NBEA: variants seen among roughly 807,000 people sequenced by gnomAD.
NBEA encodes the protein lysosomal-trafficking regulator 2.
In NBEA, 44 loss-of-function variants were observed where a neutral mutation model predicts 343.4. The ratio of observed to expected loss-of-function variants is 0.13; its 90% CI spans 0.10 to 0.16. The LOEUF is 0.16. Ranked by LOEUF, NBEA falls within the 10% of genes least tolerant of loss-of-function variation. The pLI, the probability that NBEA is intolerant of heterozygous loss-of-function variation, is 1.00. For missense variants in NBEA, 2,555 were observed against 3,631.3 expected (o/e 0.70, Z 7.62); for synonymous variants, 1,175 against 1,238.7 (o/e 0.95, Z 1.08).
intron 45 of NBEA, among the ~76,000 whole-genome samples, chr13:35,575,482 C>T (rs1426345410): frequency 1.3e-5 from 2 of 152,042 alleles, no homozygotes; most frequent in Non-Finnish European, 2.9e-5. Flanking sequence ...TTTGACTTTA[C>T]TATGAAAATT....
chr13:35,664,609 T>C (rs2085260708), intron 55 of NBEA, among the ~76,000 whole-genome samples: 1 of 152,224 alleles, frequency 6.6e-6, no homozygotes, highest in Non-Finnish European at 1.5e-5. Flanking sequence ...AGGTTCGCAC[T>C]AATAAAGTGA....
intron 1 of NBEA, among the ~76,000 whole-genome samples, chr13:34,993,083 T>C (rs2060819997): frequency 6.6e-6 from 1 of 152,148 alleles, no homozygotes; most frequent in East Asian, 1.9e-4. Flanking sequence ...CTCTCTCCAC[T>C]TTGCTATCTA....
chr13:35,390,960 A>C (rs932987864), intron 38 of NBEA, among the ~76,000 whole-genome samples: 1 of 152,138 alleles, frequency 6.6e-6, no homozygotes, highest in Admixed American at 6.6e-5. Context: ...AAATTCTTAA[A>C]TCAGTTGTCC....
intron 1 of NBEA, among the ~76,000 whole-genome samples, chr13:35,020,044 T>C (rs2061783719): frequency 6.6e-6 from 1 of 152,130 alleles, no homozygotes; most frequent in Non-Finnish European, 1.5e-5. Context: ...ATTTTTTCTT[T>C]GACTTATTTT....
chr13:35,321,703 C>T (rs1181912054), intron 36 of NBEA, among the ~76,000 whole-genome samples: 1 of 151,824 alleles, frequency 6.6e-6, no homozygotes, highest in Non-Finnish European at 1.5e-5. Context: ...CACAGCCGCC[C>T]CTTCCCCCAG....
At chr13:35,606,046 T>C (rs1219510996) in intron 47 of NBEA, among the ~76,000 whole-genome samples, 1 of 152,172 alleles carries the variant, frequency 6.6e-6, no homozygotes, top group African/African-American at 2.4e-5. Context: ...GGATAGTTCA[T>C]AAATTTTCAG....
At chr13:35,248,002 A>G (rs901413269) in intron 34 of NBEA, among the ~76,000 whole-genome samples, 11 of 152,324 alleles carry the variant, frequency 7.2e-5, no homozygotes, top group Admixed American at 2.0e-4. Flanking sequence ...CCAACAAATT[A>G]GATACATAGA....
At chr13:35,080,263 A>G (rs1204912182) in intron 10 of NBEA, among the ~76,000 whole-genome samples, 1 of 152,128 alleles carries the variant, frequency 6.6e-6, no homozygotes, top group Non-Finnish European at 1.5e-5. Flanking sequence ...TTTAATTGAT[A>G]TCATTGAGGA....
chr13:35,348,945 A>G (rs184006881), intron 36 of NBEA, among the ~76,000 whole-genome samples, 163 bp from the exon 37 acceptor site: 8 of 152,208 alleles, frequency 5.3e-5, no homozygotes, highest in Admixed American at 3.9e-4. Context: ...ACATCTTTCT[A>G]TATTTCACAT....
intron 1 of NBEA, among the ~76,000 whole-genome samples, chr13:35,035,071 G>T (rs182934499): frequency 5.9e-5 from 9 of 151,540 alleles, no homozygotes; most frequent in African/African-American, 2.2e-4. Context: ...TTTTGGATTT[G>T]GTGTGCTCTT....
chr13:35,444,068 T>C (rs571682983), intron 39 of NBEA, among the ~76,000 whole-genome samples: 8 of 152,082 alleles, frequency 5.3e-5, no homozygotes, highest in African/African-American at 1.7e-4. Context: ...CTAGTGTGTA[T>C]CTATTACTTT....
intron 38 of NBEA, among the ~76,000 whole-genome samples, chr13:35,427,306 T>C (rs1423286893): frequency 6.6e-6 from 1 of 152,122 alleles, no homozygotes; most frequent in East Asian, 1.9e-4. Context: ...TACAGATGGG[T>C]TTTTGGTGTG....
intron 46 of NBEA, among the ~76,000 whole-genome samples, chr13:35,592,173 G>A (rs1184121359): frequency 2.6e-5 from 4 of 152,056 alleles, no homozygotes; most frequent in African/African-American, 9.7e-5. Flanking sequence ...GTTATTCCTA[G>A]GTTTTCTGCT....
At chr13:35,583,788 T>C (rs1248169979) in intron 45 of NBEA, 110 bp from the exon 46 acceptor site, 13 of 757,836 alleles carry the variant, frequency 1.7e-5, no homozygotes, top group Middle Eastern at 3.0e-4. Flanking sequence ...AATGTATTTA[T>C]GCTGTATGGC....
intron 41 of NBEA, among the ~76,000 whole-genome samples, chr13:35,506,069 A>G (rs955455770): frequency 2.6e-5 from 4 of 151,986 alleles, no homozygotes; most frequent in Middle Eastern, 3.4e-3. Flanking sequence ...TTATTTATTT[A>G]TTTTATTTTT....
At chr13:35,529,311 A>G (rs1238487787) in intron 41 of NBEA, among the ~76,000 whole-genome samples, 1 of 152,184 alleles carries the variant, frequency 6.6e-6, no homozygotes, top group Non-Finnish European at 1.5e-5. Context: ...AAATTTCATG[A>G]TTTATGACTT....
chr13:35,429,745 A>C, intron 38 of NBEA, among the ~76,000 whole-genome samples: 1 of 150,200 alleles, frequency 6.7e-6, no homozygotes, highest in East Asian at 2.0e-4. Flanking sequence ...CCCTATACCC[A>C]ATGTGTAGTC....
intron 39 of NBEA, among the ~76,000 whole-genome samples, chr13:35,442,581 T>C (rs2045798404): frequency 6.6e-6 from 1 of 152,168 alleles, no homozygotes; most frequent in Non-Finnish European, 1.5e-5. Context: ...ATTTCATACT[T>C]ATATAGTGCT....
At chr13:34,984,468 CACTT>C (rs1312708130) in intron 1 of NBEA, among the ~76,000 whole-genome samples, 3 of 152,164 alleles carry the variant, frequency 2.0e-5, no homozygotes, top group Admixed American at 6.5e-5. Context: ...AGTTTGAAGT[CACTT>C]AGTGTGATGC....
Sources: gnomAD v4.1 joint callset for allele counts (sites outside exome capture counted in the v4.1 genomes callset) on GRCh38, gnomAD v4.1.1 for gene constraint, MANE v1.5 for transcripts, NCBI Gene and HGNC (gene_info 2026-07-23, HGNC 2026-07-21) for gene names.